COX6B1: variants seen among roughly 807,000 people sequenced by gnomAD.
The protein encoded by COX6B1 is cytochrome c oxidase subunit 6B1, also known as COX VIb-1.
COX6B1 carries 2 observed loss-of-function variants against 14.0 expected under a neutral mutation model. The observed-to-expected ratio is 0.14, with a 90% CI of 0.06 to 0.45. The LOEUF is 0.45. COX6B1 is among the 20% of genes least tolerant of loss of function. The probability of loss-of-function intolerance (pLI) is 0.98; values close to 1 mark genes in which losing one functional copy is unlikely to be tolerated. For missense variants in COX6B1, 81 were observed against 114.2 expected, an observed-to-expected ratio of 0.71 and a Z score of 1.33; for synonymous variants, 30 against 39.7, an observed-to-expected ratio of 0.76 and a Z score of 0.92.
chr19:35,649,310 C>T (rs1319808347), intron 1 of COX6B1, among the ~76,000 whole-genome samples: 1 of 151,900 alleles, frequency 6.6e-6, no homozygotes, highest in Admixed American at 6.6e-5. Flanking sequence ...AAATCATAGA[C>T]ATTCCTTTTT....
chr19:35,654,606 G>T lies in COX6B1; in HGVS notation c.142G>T (p.Gly48Ter). The stretch of plus-strand genomic sequence containing the variant: ...CTGTCAGAAGGCAATGACCGCTAAA[G>T]GAGGCGATATCTCTGTGTGCGAATG... ...HRCQKAMTAK[G>*]GDISVCEWYQ... The change falls in exon 3 of 4, where the codon GGA (glycine) becomes TGA (stop). Residue 48 changes from glycine (G) to a stop codon, truncating the protein, a stop_gained. Transcript: ENST00000649813. LOFTEE classifies it high-confidence loss of function. 6.2e-7 allele frequency: 1 copy of T among 1,614,198 alleles called. No homozygotes were observed. The highest frequency in any genetic ancestry group is 8.5e-7 in the Non-Finnish European group (1 of 1,180,040).
intron 3 of COX6B1, among the ~76,000 whole-genome samples, chr19:35,658,084 A>G (rs1599624149): frequency 2.6e-5 from 4 of 152,048 alleles, no homozygotes; most frequent in Admixed American, 2.6e-4. Context: ...GAGTCACCAC[A>G]CCCAGCCTCC....
intron 1 of COX6B1, among the ~76,000 whole-genome samples, chr19:35,649,062 A>C (rs1967795216): frequency 6.6e-6 from 1 of 151,320 alleles, no homozygotes; most frequent in African/African-American, 2.4e-5. Context: ...TAGCCCCACG[A>C]CTCCTAGGAT....
At chr19:35,649,249 A>T (rs529984958) in intron 1 of COX6B1, among the ~76,000 whole-genome samples, 1 of 152,118 alleles carries the variant, frequency 6.6e-6, no homozygotes, top group East Asian at 1.9e-4. Flanking sequence ...TAACCTTTTG[A>T]GGCAGCAACC....
chr19:35,652,610 AT>A (rs34354660), intron 2 of COX6B1, among the ~76,000 whole-genome samples: 19,265 of 126,074 alleles, frequency 0.15, 1,209 homozygotes, highest in East Asian at 0.25. Flanking sequence ...AATTTTTTGT[AT>A]TTTTTTTTTT....
At chr19:35,654,504 C>T in intron 2 of COX6B1, 67 bp from the exon 3 acceptor site, 1 of 1,343,568 alleles carries the variant, frequency 7.4e-7, no homozygotes, top group Non-Finnish European at 1.1e-6. Context: ...TGAGACCCTA[C>T]CTCAAAAAAA....
intron 2 of COX6B1, among the ~76,000 whole-genome samples, chr19:35,653,582 ATTTT>A (rs1225466966): frequency 8.7e-6 from 1 of 115,416 alleles, no homozygotes. Context: ...AATTTTTTGT[ATTTT>A]TTTTTTTTTT....
intron 1 of COX6B1, among the ~76,000 whole-genome samples, chr19:35,649,860 G>A (rs931530701): frequency 3.3e-5 from 5 of 151,984 alleles, no homozygotes; most frequent in Admixed American, 3.3e-4. Context: ...GGGCTCAAGC[G>A]ATCCTCCCAC....
At chr19:35,648,487 G>A (rs1262857133) in intron 1 of COX6B1, 84 bp downstream of exon 1, 1 of 228,406 alleles carries the variant, frequency 4.4e-6, no homozygotes. Flanking sequence ...AACGGGTTGA[G>A]GCTTCCGGCT....
chr19:35,654,700 A>C (rs761418317), intron 3 of COX6B1, 29 bp downstream of exon 3: 66 of 1,603,446 alleles, frequency 4.1e-5, no homozygotes, highest in Non-Finnish European at 5.4e-5. Context: ...GGCCCTTGGG[A>C]TGCTGGGGTG....
At chr19:35,656,671 G>C (rs1016155677) in intron 3 of COX6B1, among the ~76,000 whole-genome samples, 2 of 152,000 alleles carry the variant, frequency 1.3e-5, no homozygotes, top group African/African-American at 4.8e-5. Flanking sequence ...AGTAGAGACA[G>C]AGTTTCACCA....
intron 2 of COX6B1, among the ~76,000 whole-genome samples, chr19:35,654,299 G>A (rs1967863514): frequency 2.0e-5 from 3 of 152,182 alleles, no homozygotes; most frequent in Admixed American, 6.5e-5. Flanking sequence ...GAGGTGGGCA[G>A]ATCAAGACCA....
chr19:35,658,446 C>G, intron 3 of COX6B1, 148 bp from the exon 4 acceptor site: 1 of 704,032 alleles, frequency 1.4e-6, no homozygotes, highest in Non-Finnish European at 2.6e-6. Flanking sequence ...GGGGTCACTG[C>G]TGATTCCCCG....
intron 3 of COX6B1, among the ~76,000 whole-genome samples, chr19:35,655,765 C>G (rs970287992): frequency 3.5e-4 from 43 of 121,808 alleles, no homozygotes; most frequent in Non-Finnish European, 6.2e-4. Context: ...GTCTCTCTCT[C>G]TCTCTCTCTC....
intron 2 of COX6B1, among the ~76,000 whole-genome samples, chr19:35,652,306 C>G (rs1376961283): frequency 6.6e-6 from 1 of 150,444 alleles, no homozygotes; most frequent in Non-Finnish European, 1.5e-5. Flanking sequence ...GCTGGGATTA[C>G]AGGCATGAGC....
intron 1 of COX6B1, among the ~76,000 whole-genome samples, chr19:35,649,611 T>C (rs1307897253): frequency 2.0e-4 from 31 of 151,976 alleles, no homozygotes; most frequent in Admixed American, 2.0e-3. Flanking sequence ...CCCTGGTAGC[T>C]GGGATTACAG....
chr19:35,651,713 A>G (rs1967826528), intron 2 of COX6B1, among the ~76,000 whole-genome samples: 1 of 151,966 alleles, frequency 6.6e-6, no homozygotes, highest in Admixed American at 6.6e-5. Flanking sequence ...CTGGGACCAC[A>G]GGCCCACACT....
chr19:35,654,741 G>A, intron 3 of COX6B1, 70 bp downstream of exon 3: 3 of 1,389,524 alleles, frequency 2.2e-6, no homozygotes, highest in Non-Finnish European at 3.1e-6. Flanking sequence ...GTGGTGGCTT[G>A]GTGGGAGCTC....
Position 35,658,707 on chromosome 19 carries a change from C to T in COX6B1, c.*60C>T, listed in dbSNP as rs1168827908. Reference sequence around the variant, plus strand: ...CTTCTCCCAGGATGGTGAAGGGGGACCTGGTACCCAGTGATCCCCACCCCA... The same window carrying T: ...CTTCTCCCAGGATGGTGAAGGGGGATCTGGTACCCAGTGATCCCCACCCCA... On this transcript the variant is annotated 3_prime_UTR_variant, in exon 4 of 4. Coordinates refer to ENST00000649813, the MANE Select transcript of COX6B1 (RefSeq NM_001863.5). The T allele has an allele frequency of 6.7e-6, 10 of 1,488,182 alleles. 1 individual carries two copies. In the South Asian group the frequency reaches 1.1e-4, roughly 17 times the overall value. The allele number at this position is 1,488,182 out of a possible 1,614,324, so 92.2% of individuals were successfully genotyped here.
Sources: allele counts gnomAD v4.1 joint callset (sites outside exome capture counted in the v4.1 genomes callset), GRCh38; gene constraint gnomAD v4.1.1; transcripts MANE v1.5; gene names NCBI Gene and HGNC (gene_info 2026-07-23, HGNC 2026-07-21).